Variants in VPS26A observed in about 807,000 individuals in gnomAD.
VPS26A encodes VPS26 retromer complex component A.
In VPS26A, 22 loss-of-function variants were observed where a neutral mutation model predicts 42.4. The ratio of observed to expected loss-of-function variants is 0.52; its 90% CI spans 0.37 to 0.74. The LOEUF (loss-of-function observed/expected upper bound fraction) is 0.74. Ranked by LOEUF, VPS26A falls within the 30% of genes least tolerant of loss-of-function variation. The probability of loss-of-function intolerance (pLI) is 0.00; values close to 1 mark genes in which losing one functional copy is unlikely to be tolerated. For synonymous variants in VPS26A, 110 were observed against 123.5 expected, an observed-to-expected ratio of 0.89 and a Z score of 0.73; for missense variants, 276 against 379.2, an observed-to-expected ratio of 0.73 and a Z score of 2.26.
intron 2 of VPS26A, among the ~76,000 whole-genome samples, chr10:69,153,349 C>CT (rs1336703008): frequency 3.3e-5 from 5 of 149,948 alleles, no homozygotes; most frequent in South Asian, 2.1e-4. Context: ...TGTGCCCTGC[C>CT]TTTTTTTTGT....
chr10:69,124,712 C>CAGTG (rs1840612034), intron 1 of VPS26A, among the ~76,000 whole-genome samples: 1 of 152,234 alleles, frequency 6.6e-6, no homozygotes, highest in Non-Finnish European at 1.5e-5. Context: ...CTTGGGCACT[C>CAGTG]AGTGTGTCAC....
intron 2 of VPS26A, among the ~76,000 whole-genome samples, chr10:69,136,486 G>A (rs1840914341): frequency 6.6e-6 from 1 of 151,894 alleles, no homozygotes; most frequent in African/African-American, 2.4e-5. Flanking sequence ...GGGTCAGGCT[G>A]GTCTCGAACT....
chr10:69,174,350 A>G lies in VPS26A; in HGVS notation c.*3081A>G, dbSNP rs1212501308. Among the ~76,000 whole-genome samples, 1 of 152,238 alleles carries G rather than the reference A, an allele frequency of 6.6e-6. No individual in the cohort carries two copies. The highest frequency in any genetic ancestry group is 1.5e-5 in the Non-Finnish European group (1 of 68,050). On this transcript the variant is annotated 3_prime_UTR_variant, in exon 9 of 9. Coordinates refer to ENST00000263559, the MANE Select transcript of VPS26A (RefSeq NM_004896.5). The stretch of plus-strand genomic sequence containing the variant: ...TGGGTGACAGAGACACCATGTCTCA[A>G]AAATCTACCCAGAGTTGGGAACCAC...
intron 2 of VPS26A, among the ~76,000 whole-genome samples, chr10:69,149,727 GTTTTTTGTTTTTTTTTT>G (rs756678304): frequency 0.55 from 51,599 of 93,130 alleles, 13,829 homozygotes; most frequent in Middle Eastern, 0.7. Flanking sequence ...CTTTCTTGGT[GTTTTTTGTTTTTTTTTT>G]TTTTTTTTTT....
At chr10:69,126,667 C>G (rs1840662271) in intron 1 of VPS26A, among the ~76,000 whole-genome samples, 1 of 152,038 alleles carries the variant, frequency 6.6e-6, no homozygotes, top group Non-Finnish European at 1.5e-5. Flanking sequence ...TCTTTACCAG[C>G]TTGACAGTTG....
intron 2 of VPS26A, chr10:69,133,673 G>T (rs867884490): frequency 7.8e-6 from 9 of 1,154,780 alleles, no homozygotes; most frequent in South Asian, 6.5e-5. Flanking sequence ...GGTTTTTTGG[G>T]TTTTTTGTTT....
chr10:69,140,255 G>C (rs1375106195), intron 2 of VPS26A, among the ~76,000 whole-genome samples: 1 of 151,986 alleles, frequency 6.6e-6, no homozygotes, highest in Non-Finnish European at 1.5e-5. Flanking sequence ...TATATTTTTT[G>C]TAGAGACAGG....
chr10:69,165,945 C>CT, intron 6 of VPS26A, 97 bp from the exon 7 acceptor site: 1 of 1,232,434 alleles, frequency 8.1e-7, no homozygotes, highest in South Asian at 1.4e-5. Flanking sequence ...GACACCGTCT[C>CT]TAAAAAAAAA....
intron 2 of VPS26A, among the ~76,000 whole-genome samples, chr10:69,149,742 T>C (rs1461087625): frequency 2.7e-5 from 1 of 37,198 alleles, no homozygotes; most frequent in Non-Finnish European, 9.8e-5. Flanking sequence ...TTGTTTTTTT[T>C]TTTTTTTTTT....
intron 8 of VPS26A, chr10:69,170,199 A>G (rs1485424502): frequency 6.6e-6 from 1 of 152,260 alleles, no homozygotes; most frequent in Non-Finnish European, 1.5e-5. Flanking sequence ...AATAATATAA[A>G]CTAACAGAAT....
In VPS26A at chr10:69,157,138, T is replaced by C; in HGVS notation, c.361T>C (p.Tyr121His). 1 of 1,612,906 alleles carries C rather than the reference T, an allele frequency of 6.2e-7. No homozygotes were observed. The highest frequency in any genetic ancestry group is 2.2e-5 in the East Asian group (1 of 44,810). ...FMQVEKPYES[Y>H]IGANVRLRYF... is the part of the protein sequence containing the mutation. The stretch of plus-strand genomic sequence containing the variant: ...GCAAGTTGAAAAGCCATATGAATCT[T>C]ACATCGGTGCCAATGTCCGCTTGAG... Residue 121 changes from tyrosine (Y) to histidine (H), a missense_variant, in exon 4 of 9, where the codon TAC becomes CAC. Physicochemically the swap from Tyr to His is moderately conservative, Grantham distance 83 (BLOSUM62 2). Coordinates refer to ENST00000263559, the MANE Select transcript of VPS26A (RefSeq NM_004896.5).
intron 8 of VPS26A, among the ~76,000 whole-genome samples, chr10:69,170,594 G>C (rs1349087834): frequency 1.3e-5 from 2 of 152,304 alleles, no homozygotes; most frequent in African/African-American, 4.8e-5. Context: ...TGGAGGCAGA[G>C]AGTAACTCCA....
At chr10:69,151,282 A>AAAACAAAAAACACAC (rs71035063) in intron 2 of VPS26A, among the ~76,000 whole-genome samples, 3 of 136,772 alleles carry the variant, frequency 2.2e-5, no homozygotes, top group African/African-American at 1.0e-4. Flanking sequence ...AAAAAAAAAA[A>AAAACAAAAAACACAC]ACACACACAC....
chr10:69,136,965 T>C (rs1339475445), intron 2 of VPS26A, among the ~76,000 whole-genome samples: 1 of 151,844 alleles, frequency 6.6e-6, no homozygotes, highest in Non-Finnish European at 1.5e-5. Flanking sequence ...CTAATTTTTG[T>C]ATTTTTAGTA....
rs1392659347 is a variant in VPS26A, at chr10:69,174,279, C to T, written c.*3010C>T. On this transcript the variant is annotated 3_prime_UTR_variant, in exon 9 of 9. Coordinates refer to ENST00000263559, the MANE Select transcript of VPS26A (RefSeq NM_004896.5). ...CAACTCTGGACACACCTTGAGTACACGAATTTGAAATTACACTGAGGTGAT... is the reference window on the plus strand; with the variant it reads ...CAACTCTGGACACACCTTGAGTACATGAATTTGAAATTACACTGAGGTGAT... Among the ~76,000 whole-genome samples, 2 of 152,136 alleles carry T rather than the reference C, an allele frequency of 1.3e-5. No individual in the cohort carries two copies.
chr10:69,158,810 C>T (rs1841489232), intron 5 of VPS26A, among the ~76,000 whole-genome samples: 1 of 152,130 alleles, frequency 6.6e-6, no homozygotes, highest in Non-Finnish European at 1.5e-5. Flanking sequence ...GTATTCAGCT[C>T]TCATACTCCC....
chr10:69,163,462 G>T (rs1265487018), intron 6 of VPS26A, among the ~76,000 whole-genome samples: 3 of 152,194 alleles, frequency 2.0e-5, no homozygotes, highest in Non-Finnish European at 4.4e-5. Context: ...CCTCTTTAGG[G>T]ATTATCCCAG....
intron 2 of VPS26A, among the ~76,000 whole-genome samples, chr10:69,136,034 A>G (rs891028099): frequency 6.6e-6 from 1 of 152,164 alleles, no homozygotes; most frequent in African/African-American, 2.4e-5. Flanking sequence ...TTCCCTCTTC[A>G]TACCTTTCTT....
intron 2 of VPS26A, among the ~76,000 whole-genome samples, chr10:69,142,182 C>CTT (rs143922304): frequency 0.012 from 1,026 of 84,916 alleles, 39 homozygotes; most frequent in African/African-American, 0.029. Flanking sequence ...CATACCAGGC[C>CTT]TTTTTTTTTT....
Sources: gnomAD v4.1 joint callset for allele counts (sites outside exome capture counted in the v4.1 genomes callset) on GRCh38, gnomAD v4.1.1 for gene constraint, MANE v1.5 for transcripts, NCBI Gene and HGNC (gene_info 2026-07-23, HGNC 2026-07-21) for gene names.